The following ARHGEF10L variants were observed in gnomAD, a reference collection of about 807,000 sequenced individuals.
ARHGEF10L encodes rho guanine nucleotide exchange factor 10-like protein.
A neutral mutation model predicts 141.2 loss-of-function variants in ARHGEF10L; 69 were observed. The ratio of observed to expected loss-of-function variants is 0.49; its 90% CI spans 0.40 to 0.60. The LOEUF (loss-of-function observed/expected upper bound fraction) is 0.60, where lower values mean the gene tolerates loss of function less well. ARHGEF10L is among the 20% of genes least tolerant of loss of function. The probability of loss-of-function intolerance (pLI) is 0.00; values close to 1 mark genes in which losing one functional copy is unlikely to be tolerated. For synonymous variants in ARHGEF10L, 711 were observed against 718.5 expected (o/e 0.99, Z 0.17); for missense variants, 1,482 against 1,734.3 (o/e 0.85, Z 2.58).
At chr1:17,687,084 G>A (rs1490697404) in intron 26 of ARHGEF10L, among the ~76,000 whole-genome samples, 2 of 151,898 alleles carry the variant, frequency 1.3e-5, no homozygotes, top group South Asian at 4.2e-4. Context: ...TATTACCCCC[G>A]TTCCTTCCCC....
chr1:17,653,581 G>C (rs528563116), intron 22 of ARHGEF10L, among the ~76,000 whole-genome samples: 1 of 152,368 alleles, frequency 6.6e-6, no homozygotes, highest in East Asian at 1.9e-4. Flanking sequence ...AAGACAGGGA[G>C]CCCAGAGGCC....
intron 21 of ARHGEF10L, among the ~76,000 whole-genome samples, chr1:17,646,977 C>T (rs756789632): frequency 9.9e-5 from 15 of 151,934 alleles, no homozygotes; most frequent in Non-Finnish European, 2.1e-4. Context: ...TAAGTTTTAG[C>T]AGGATGGGCC....
intron 1 of ARHGEF10L, among the ~76,000 whole-genome samples, chr1:17,552,220 C>T (rs2077138707): frequency 6.6e-6 from 1 of 152,100 alleles, no homozygotes; most frequent in Admixed American, 6.6e-5. Context: ...ATGGGGAGCA[C>T]TTCCCAGAGC....
At chr1:17,563,084 G>C (rs2077607734) in intron 1 of ARHGEF10L, among the ~76,000 whole-genome samples, 1 of 152,122 alleles carries the variant, frequency 6.6e-6, no homozygotes, top group Non-Finnish European at 1.5e-5. Flanking sequence ...TCTTCTCCTG[G>C]GGGACGATGA....
At chr1:17,518,744 ATTGT>A in the ARHGEF10L span, among the ~76,000 whole-genome samples, 16 of 143,354 alleles carry the variant, frequency 1.1e-4, no homozygotes, top group Middle Eastern at 3.8e-3. Flanking sequence ...GTGAGCCAAG[ATTGT>A]TCCAAGTGGA....
intron 3 of ARHGEF10L, among the ~76,000 whole-genome samples, chr1:17,588,118 C>T (rs1379707386): frequency 6.6e-6 from 1 of 152,124 alleles, no homozygotes; most frequent in African/African-American, 2.4e-5. Context: ...GGGACTGGAC[C>T]AGCTGGAACT....
At chr1:17,660,730 C>T (rs575373411) in intron 25 of ARHGEF10L, among the ~76,000 whole-genome samples, 133 of 152,338 alleles carry the variant, frequency 8.7e-4, no homozygotes, top group African/African-American at 2.8e-3. Context: ...ATCTCCCTGG[C>T]GCTGGCCACA....
intron 14 of ARHGEF10L, 98 bp downstream of exon 14, chr1:17,626,146 C>G (rs906286812): frequency 6.5e-5 from 68 of 1,052,466 alleles, no homozygotes; most frequent in Non-Finnish European, 9.4e-5. Context: ...GGCTCTTGTC[C>G]GTGATCCATA....
At chr1:17,637,044 G>T (rs995795310) in intron 18 of ARHGEF10L, among the ~76,000 whole-genome samples, 1 of 151,614 alleles carries the variant, frequency 6.6e-6, no homozygotes, top group Non-Finnish European at 1.5e-5. Context: ...CCACCACACT[G>T]ATATCTTTCT....
Position 17,603,702 on chromosome 1 carries a change from C to T in ARHGEF10L, c.433+111C>T. 1 of 967,292 alleles carries T rather than the reference C, an allele frequency of 1.0e-6. No individual in the cohort carries two copies. Among genetic ancestry groups the T allele is most frequent in the Non-Finnish European group, 1.5e-6 (1 of 677,724 alleles). The allele number at this position is 967,292 out of a possible 1,614,324, so 59.9% of individuals were successfully genotyped here. A position where few individuals can be genotyped will look rare whatever the true frequency, so the allele number is the denominator to read the frequency against. ...TTCTGTCCCCACCTGGCCAAGTGCC[C>T]CTCCTTCTTGTCTTTAGAAACAACT... On this transcript the variant is annotated intron_variant, in intron 6 of 28. Coordinates refer to ENST00000361221, the MANE Select transcript of ARHGEF10L (RefSeq NM_018125.4). This position sits in a 1 kb window ranked among gnomAD's most constrained non-coding sequence, Gnocchi z 4.8.
Position 17,697,416 on chromosome 1 carries a change from G to A in ARHGEF10L, c.*36G>A. 6.5e-7 allele frequency: 1 copy of A among 1,550,242 alleles called. No individual in the cohort carries two copies. Among genetic ancestry groups the A allele is most frequent in the Non-Finnish European group, 8.7e-7 (1 of 1,146,692 alleles). On this transcript the variant is annotated 3_prime_UTR_variant, in exon 29 of 29. Transcript: ENST00000361221. The surrounding 1 kb of genome is among the most constrained non-coding windows in gnomAD (Gnocchi z 4.8). ...CTCCCCTCAGAGGGCACAGCTGCAG[G>A]CCTGACCAAGGCCACGCCCGGCTCT...
In ARHGEF10L at chr1:17,638,795, C is replaced by T. The variant is rs901818086; in HGVS notation, c.2171+106C>T. 26 of 1,516,624 alleles carry T rather than the reference C, an allele frequency of 1.7e-5. No individual in the cohort carries two copies. In the African/African-American group the frequency reaches 2.6e-4, roughly 15 times the overall value. 93.9% of individuals were successfully genotyped at this position (1,516,624 alleles called of 1,614,324 possible). On this transcript the variant is annotated intron_variant, in intron 20 of 28. Coordinates refer to ENST00000361221, the MANE Select transcript of ARHGEF10L (RefSeq NM_018125.4). Reference sequence around the variant, plus strand: ...GGAGCCCTCTTATTTGTCGAGATGCCATGGTGGGAGTGGATATGTAGGCAT... The same window carrying T: ...GGAGCCCTCTTATTTGTCGAGATGCTATGGTGGGAGTGGATATGTAGGCAT...
Position 17,556,119 on chromosome 1 carries a change from G to C in ARHGEF10L, c.-44+16169G>C, listed in dbSNP as rs572880870. On this transcript the variant is annotated intron_variant, in intron 1 of 28. Coordinates refer to ENST00000361221, the MANE Select transcript of ARHGEF10L (RefSeq NM_018125.4). ...GGGATGAGCCTGGGAGCATGGGGGG[G>C]GCCTGGAAACACAGGGGGGCCTGGG... is the stretch of plus-strand genomic sequence containing the variant. 5.6e-3 allele frequency among the ~76,000 whole-genome samples: 460 copies of C among 82,712 alleles called. 4 individuals carry two copies. The highest frequency in any genetic ancestry group is 0.02 in the African/African-American group (437 of 21,720). 54.3% of individuals were successfully genotyped at this position (82,712 alleles called of 152,430 possible). A position where few individuals can be genotyped will look rare whatever the true frequency, so the allele number is the denominator to read the frequency against.
intron 21 of ARHGEF10L, among the ~76,000 whole-genome samples, chr1:17,645,375 C>T (rs2061538534): frequency 6.6e-6 from 1 of 151,902 alleles, no homozygotes; most frequent in South Asian, 2.1e-4. Context: ...AAGGTCAGAT[C>T]ATTAAAAAAA....
chr1:17,664,408 G>T (rs371443127), intron 25 of ARHGEF10L, 39 bp from the exon 26 acceptor site: 1 of 1,587,038 alleles, frequency 6.3e-7, no homozygotes. Context: ...CCTGCTTGCC[G>T]CTCCTGGCCC....
At chr1:17,549,962 G>T (rs1242935981) in intron 1 of ARHGEF10L, among the ~76,000 whole-genome samples, 1 of 152,208 alleles carries the variant, frequency 6.6e-6, no homozygotes, top group Non-Finnish European at 1.5e-5. Flanking sequence ...AACATTTGCA[G>T]GGTCAAGGGC....
At chr1:17,523,682 C>T in the ARHGEF10L span, among the ~76,000 whole-genome samples, 289 of 152,310 alleles carry the variant, frequency 1.9e-3, no homozygotes, top group African/African-American at 6.7e-3. Context: ...TGATTTCCTG[C>T]TCTTCCCACT....
rs780638498 is a variant in ARHGEF10L at position 17,638,619 on chromosome 1, G to A, written c.2101G>A (p.Val701Met). 2.4e-5 allele frequency: 38 copies of A among 1,614,062 alleles called. No individual in the cohort carries two copies. Among genetic ancestry groups the A allele is most frequent in the Admixed American group, 5.0e-5 (3 of 60,002 alleles). ...CCTGGCCCTGCAGAGGCTGATGCGG[G>A]TGAAGGAGGAAGAGATCCACTCGGC... is the stretch of plus-strand genomic sequence containing the variant. ...WCLALQRLMR[V>M]KEEEIHSANK... is the part of the protein sequence containing the mutation. Residue 701 changes from valine (V) to methionine (M), a missense_variant, in exon 20 of 29, where the codon GTG (valine) becomes ATG (methionine). This residue lies in a region of ARHGEF10L where 858 missense variants were observed against 966.3 expected (regional missense o/e 0.89). Transcript: ENST00000361221.
At chr1:17,521,673 G>T in the ARHGEF10L span, among the ~76,000 whole-genome samples, 1 of 152,218 alleles carries the variant, frequency 6.6e-6, no homozygotes, top group Non-Finnish European at 1.5e-5. Context: ...GCACAGAGAG[G>T]TTAAGTAACT....
Sources: gnomAD v4.1 joint callset for allele counts (sites outside exome capture counted in the v4.1 genomes callset) on GRCh38, gnomAD v4.1.1 for gene constraint, gnomAD v4.1.1 regional missense constraint, Gnocchi (gnomAD v3.1) non-coding constraint, MANE v1.5 for transcripts, NCBI Gene and HGNC (gene_info 2026-07-23, HGNC 2026-07-21) for gene names.